Variants in SNX7 observed in about 807,000 individuals in gnomAD.
SNX7 encodes the protein sorting nexin-7.
SNX7 carries 35 observed loss-of-function variants against 48.4 expected under a neutral mutation model. That is an observed-to-expected ratio of 0.72 (90% CI 0.55 to 0.96). The LOEUF is 0.96. Ranked by LOEUF, SNX7 falls within the 40% of genes least tolerant of loss-of-function variation. SNX7 has a pLI of 0.00. For synonymous variants in SNX7, 190 were observed against 190.2 expected (o/e 1.00, Z 0.01); for missense variants, 553 against 548.9 (o/e 1.01, Z -0.07).
rs1002108259 is a variant in SNX7 at position 98,727,020 on chromosome 1, C to G, written c.1126-11217C>G. Among the ~76,000 whole-genome samples, 19 of 152,230 alleles carry G rather than the reference C, an allele frequency of 1.2e-4. No individual in the cohort carries two copies. The South Asian group carries it at 2.9e-3, about 23-fold the overall frequency. ...GATCAGAAGATCGAGACCATCCTGG[C>G]TAACACAGTGAAACCCCGTCTCTGC... On this transcript the variant is annotated intron_variant, in intron 7 of 8. Coordinates refer to ENST00000306121, the MANE Select transcript of SNX7 (RefSeq NM_015976.5).
intron 8 of SNX7, among the ~76,000 whole-genome samples, chr1:98,747,157 T>C (rs537059209): frequency 6.6e-6 from 1 of 152,274 alleles, no homozygotes; most frequent in Admixed American, 6.5e-5. Flanking sequence ...CAGAGTACTT[T>C]ATGTGCTTGT....
At chr1:98,738,886 GTT>G (rs58756657) in intron 8 of SNX7, among the ~76,000 whole-genome samples, 3 of 150,614 alleles carry the variant, frequency 2.0e-5, no homozygotes, top group East Asian at 2.0e-4. Flanking sequence ...TCTCAGAGAA[GTT>G]TTTTTTTTAT....
chr1:98,663,280 T>TCGGGGCTGGACCCA (rs1649362962), intron 1 of SNX7, among the ~76,000 whole-genome samples: 1 of 112,998 alleles, frequency 8.8e-6, no homozygotes, highest in Non-Finnish European at 1.9e-5. Context: ...TTTTTTTTTT[T>TCGGGGCTGGACCCA]TTTTTTTTTT....
chr1:98,701,567 G>A (rs1173886100), intron 6 of SNX7, among the ~76,000 whole-genome samples: 1 of 151,704 alleles, frequency 6.6e-6, no homozygotes, highest in Non-Finnish European at 1.5e-5. Flanking sequence ...ATGCTTAAAT[G>A]GGTAAAATGT....
chr1:98,759,153 C>T (rs994091402), intron 8 of SNX7, among the ~76,000 whole-genome samples: 2 of 151,782 alleles, frequency 1.3e-5, no homozygotes, highest in African/African-American at 4.8e-5. Context: ...CAGTGTTAAT[C>T]AGTCCAGCTT....
chr1:98,724,148 C>T (rs903204648), intron 7 of SNX7, among the ~76,000 whole-genome samples: 1 of 151,978 alleles, frequency 6.6e-6, no homozygotes, highest in Non-Finnish European at 1.5e-5. Context: ...AAGTTAATAT[C>T]GAGCTTTCAG....
intron 7 of SNX7, among the ~76,000 whole-genome samples, chr1:98,711,621 A>G (rs1268366434): frequency 1.3e-5 from 2 of 152,222 alleles, no homozygotes; most frequent in African/African-American, 4.8e-5. Context: ...TAATGATCAT[A>G]TGAGCCTTCA....
At chr1:98,756,041 AT>A (rs34067622) in intron 8 of SNX7, among the ~76,000 whole-genome samples, 108,265 of 151,774 alleles carry the variant, frequency 0.71, 40,019 homozygotes, top group South Asian at 0.82. Context: ...ACATGATTTC[AT>A]TTTACATCTC....
chr1:98,701,380 A>T (rs184310825), intron 6 of SNX7, among the ~76,000 whole-genome samples: 161 of 152,230 alleles, frequency 1.1e-3, no homozygotes, highest in African/African-American at 3.6e-3. Context: ...GATCCTTTGG[A>T]GTCAGGTAAG....
chr1:98,737,121 G>C (rs147632329), intron 7 of SNX7, among the ~76,000 whole-genome samples: 1 of 150,266 alleles, frequency 6.7e-6, no homozygotes, highest in African/African-American at 2.5e-5. Context: ...TGGTCTTTCC[G>C]TTCTTAAATC....
chr1:98,698,996 A>C, intron 6 of SNX7, 91 bp downstream of exon 6: 1 of 1,237,608 alleles, frequency 8.1e-7, no homozygotes, highest in Non-Finnish European at 1.2e-6. Context: ...TAAAACCACT[A>C]TCTTTTTGTC....
chr1:98,728,820 G>A (rs1278468990), intron 7 of SNX7, among the ~76,000 whole-genome samples: 2 of 152,080 alleles, frequency 1.3e-5, no homozygotes, highest in Admixed American at 1.3e-4. Context: ...CTACAAAAAG[G>A]CTTAGATTCC....
At chr1:98,662,871 G>C in intron 1 of SNX7, 1 of 1,284,792 alleles carries the variant, frequency 7.8e-7, no homozygotes, top group Non-Finnish European at 1.0e-6. Context: ...GCAAACCAAA[G>C]TTAGGAAGTG....
intron 8 of SNX7, among the ~76,000 whole-genome samples, chr1:98,758,071 T>C (rs1654939117): frequency 6.6e-6 from 1 of 152,034 alleles, no homozygotes; most frequent in African/African-American, 2.4e-5. Flanking sequence ...TTCTATTAGT[T>C]TGTGGGCTGT....
rs571309885 is a variant in SNX7, at chr1:98,724,404, G to A, written c.1126-13833G>A. ...CGCTTTTTGTATCAAAGTTATGCTA[G>A]CCTCGTAAATTTTTACATACTAGAT... On this transcript the variant is annotated intron_variant, in intron 7 of 8. Coordinates refer to ENST00000306121, the MANE Select transcript of SNX7 (RefSeq NM_015976.5). 1.6e-4 allele frequency among the ~76,000 whole-genome samples: 25 copies of A among 151,564 alleles called. No homozygotes were observed. In the South Asian group the frequency reaches 3.3e-3, roughly 20 times the overall value.
intron 8 of SNX7, among the ~76,000 whole-genome samples, chr1:98,743,428 A>G (rs1320415583): frequency 6.6e-6 from 1 of 152,080 alleles, no homozygotes; most frequent in Non-Finnish European, 1.5e-5. Flanking sequence ...TACTCTTAGC[A>G]GATAACACAA....
At chr1:98,684,341 T>C (rs1487380336) in intron 1 of SNX7, among the ~76,000 whole-genome samples, 1 of 152,148 alleles carries the variant, frequency 6.6e-6, no homozygotes, top group Non-Finnish European at 1.5e-5. Context: ...TAATAGAAAT[T>C]GATTTCTCAC....
chr1:98,714,355 C>CG (rs1374628314), intron 7 of SNX7, among the ~76,000 whole-genome samples: 1 of 152,028 alleles, frequency 6.6e-6, no homozygotes, highest in African/African-American at 2.4e-5. Flanking sequence ...TTTTTGTGGA[C>CG]GGGAAAATTG....
At chr1:98,688,995 C>T (rs552691470) in intron 2 of SNX7, among the ~76,000 whole-genome samples, 1 of 152,176 alleles carries the variant, frequency 6.6e-6, no homozygotes, top group Non-Finnish European at 1.5e-5. Flanking sequence ...ACCTCTGCCT[C>T]CTGGGTTCAA....
Sources: gnomAD v4.1 joint callset for allele counts (sites outside exome capture counted in the v4.1 genomes callset) on GRCh38, gnomAD v4.1.1 for gene constraint, MANE v1.5 for transcripts, NCBI Gene and HGNC (gene_info 2026-07-23, HGNC 2026-07-21) for gene names.